PHF20L1: variants seen among roughly 807,000 people sequenced by gnomAD.
The protein encoded by PHF20L1 is PHD finger protein 20-like protein 1.
In PHF20L1, 44 loss-of-function variants were observed where a neutral mutation model predicts 125.5. The ratio of observed to expected loss-of-function variants is 0.35; its 90% CI spans 0.28 to 0.45. The LOEUF is 0.45. Ranked by LOEUF, PHF20L1 falls within the 20% of genes least tolerant of loss-of-function variation. The pLI, the probability that PHF20L1 is intolerant of heterozygous loss-of-function variation, is 1.00. For synonymous variants in PHF20L1, 380 were observed against 403.1 expected (o/e 0.94, Z 0.69); for missense variants, 1,012 against 1,217.2 (o/e 0.83, Z 2.51).
chr8:132,792,964 CTTTTT>C (rs370724463), intron 2 of PHF20L1, among the ~76,000 whole-genome samples: 3 of 129,642 alleles, frequency 2.3e-5, no homozygotes, highest in Non-Finnish European at 3.2e-5. Flanking sequence ...CCCCTTTTTT[CTTTTT>C]TTTTTTTTTT....
intron 5 of PHF20L1, 30 bp downstream of exon 5, chr8:132,798,890 A>G: frequency 7.0e-7 from 1 of 1,433,694 alleles, no homozygotes; most frequent in South Asian, 1.2e-5. Flanking sequence ...CTAGCTACCC[A>G]AAGGGTTATC....
intron 12 of PHF20L1, among the ~76,000 whole-genome samples, chr8:132,823,192 T>G (rs1835788696): frequency 6.6e-6 from 1 of 151,986 alleles, no homozygotes; most frequent in Admixed American, 6.6e-5. Flanking sequence ...AAAAGTGGTT[T>G]GCAGAACAGT....
intron 2 of PHF20L1, among the ~76,000 whole-genome samples, chr8:132,787,718 T>C (rs1352951005): frequency 2.6e-5 from 4 of 152,202 alleles, no homozygotes; most frequent in Non-Finnish European, 5.9e-5. Flanking sequence ...TAGTATGTGA[T>C]ACCGTTATTG....
At chr8:132,839,334 A>G (rs1837693625) in intron 17 of PHF20L1, 53 bp from the exon 18 acceptor site, 1 of 1,406,084 alleles carries the variant, frequency 7.1e-7, no homozygotes, top group Non-Finnish European at 1.0e-6. Context: ...GCAGTTGATG[A>G]AAAATCCGAG....
At chr8:132,800,547 C>T (rs1832929376) in intron 6 of PHF20L1, among the ~76,000 whole-genome samples, 1 of 151,516 alleles carries the variant, frequency 6.6e-6, no homozygotes, top group Non-Finnish European at 1.5e-5. Flanking sequence ...ATTTTGAGTA[C>T]TTTGAGAATT....
At chr8:132,823,738 C>CAAA (rs1486434042) in intron 12 of PHF20L1, among the ~76,000 whole-genome samples, 1 of 151,914 alleles carries the variant, frequency 6.6e-6, no homozygotes, top group Non-Finnish European at 1.5e-5. Context: ...ATGATGTCCT[C>CAAA]AAGGCCACAG....
At chr8:132,838,384 G>A (rs2131900424) in intron 17 of PHF20L1, 1 of 155,336 alleles carries the variant, frequency 6.4e-6, no homozygotes, top group East Asian at 1.9e-4. Flanking sequence ...TTGTAGAGCA[G>A]GTGGGGTCTT....
chr8:132,811,612 A>T, intron 9 of PHF20L1: 1 of 982,798 alleles, frequency 1.0e-6, no homozygotes, highest in Non-Finnish European at 1.2e-6. Context: ...ACTACAAAAA[A>T]AGAGAGTTTA....
intron 10 of PHF20L1, chr8:132,816,072 C>T (rs937591943): frequency 2.6e-5 from 4 of 151,748 alleles, no homozygotes; most frequent in African/African-American, 9.7e-5. Flanking sequence ...TTAGACTGTT[C>T]TTATTTCCTC....
intron 2 of PHF20L1, among the ~76,000 whole-genome samples, chr8:132,791,196 TTC>T (rs1268412277): frequency 6.6e-6 from 1 of 151,948 alleles, no homozygotes; most frequent in Non-Finnish European, 1.5e-5. Flanking sequence ...ATTCTGATTC[TTC>T]TCTCTTTCTC....
chr8:132,840,927 G>C (rs1432338660), intron 18 of PHF20L1, among the ~76,000 whole-genome samples: 1 of 152,062 alleles, frequency 6.6e-6, no homozygotes, highest in Admixed American at 6.6e-5. Context: ...TAAGTACTCA[G>C]TAACTATTTG....
intron 20 of PHF20L1, among the ~76,000 whole-genome samples, 154 bp from the exon 21 acceptor site, chr8:132,845,627 G>A (rs775745398): frequency 2.0e-5 from 3 of 151,966 alleles, no homozygotes; most frequent in Non-Finnish European, 2.9e-5. Flanking sequence ...ATGACAGGAC[G>A]CTAACCTCTC....
chr8:132,811,168 C>G lies in PHF20L1; in HGVS notation c.930+40C>G, dbSNP rs1223674942. On this transcript the variant is annotated intron_variant, in intron 9 of 20. Coordinates refer to ENST00000395386, the MANE Select transcript of PHF20L1 (RefSeq NM_016018.5). Reference sequence around the variant, plus strand: ...CATTTGATTTTTTTCAAGGTTCCCACTGGAATGATCACGGAGCTCTAGTAT... The same window carrying G: ...CATTTGATTTTTTTCAAGGTTCCCAGTGGAATGATCACGGAGCTCTAGTAT... 3.1e-6 allele frequency: 5 copies of G among 1,609,828 alleles called. No homozygotes were observed. In the Admixed American group the frequency reaches 6.7e-5, roughly 22 times the overall value.
At chr8:132,825,430 C>T in intron 14 of PHF20L1, 59 bp downstream of exon 14, 1 of 1,354,294 alleles carries the variant, frequency 7.4e-7, no homozygotes, top group Non-Finnish European at 9.8e-7. Flanking sequence ...TCCTTTGATT[C>T]CCCTTTTCTT....
intron 17 of PHF20L1, chr8:132,838,144 T>TA (rs1837569314): frequency 1.5e-5 from 3 of 196,854 alleles, no homozygotes; most frequent in Non-Finnish European, 3.2e-5. Flanking sequence ...TTTTCACTGT[T>TA]ACATTTTTAT....
chr8:132,798,366 C>T (rs938305750), intron 4 of PHF20L1, among the ~76,000 whole-genome samples: 1 of 152,002 alleles, frequency 6.6e-6, no homozygotes, highest in African/African-American at 2.4e-5. Context: ...TGCATATCAG[C>T]TCCTTCTCTG....
intron 15 of PHF20L1, among the ~76,000 whole-genome samples, chr8:132,835,844 A>G (rs1406113668): frequency 1.3e-5 from 2 of 152,108 alleles, no homozygotes; most frequent in African/African-American, 4.8e-5. Context: ...AGTGCTTAAT[A>G]TAGCACTGTG....
intron 14 of PHF20L1, among the ~76,000 whole-genome samples, chr8:132,831,415 A>T (rs149756668): frequency 5.3e-5 from 8 of 151,936 alleles, no homozygotes; most frequent in African/African-American, 1.9e-4. Flanking sequence ...TAAGCTGCAT[A>T]TGGCCTCTCC....
At chr8:132,812,154 A>T (rs1487841173) in intron 9 of PHF20L1, 4 of 978,860 alleles carry the variant, frequency 4.1e-6, no homozygotes, top group Non-Finnish European at 4.9e-6. Context: ...CTTTGCCGTT[A>T]TTGTCAATAT....
Sources: allele counts gnomAD v4.1 joint callset (sites outside exome capture counted in the v4.1 genomes callset), GRCh38; gene constraint gnomAD v4.1.1; transcripts MANE v1.5; gene names NCBI Gene and HGNC (gene_info 2026-07-23, HGNC 2026-07-21).